Variants in CDKN2B-AS1 observed in about 807,000 individuals in gnomAD.
The protein encoded by CDKN2B-AS1 is CDKN2B and CDKN2A antisense cis and trans regulatory RNA 1.
At chr9:22,075,817 A>G (rs1038307111) in intron 4 of CDKN2B-AS1, among the ~76,000 whole-genome samples, 4 of 152,186 alleles carry the variant, frequency 2.6e-5, no homozygotes, top group African/African-American at 7.2e-5. Flanking sequence ...GCCCGTTTGT[A>G]TTTAATACAT....
chr9:22,059,732 G>A (rs773442589), intron 4 of CDKN2B-AS1, among the ~76,000 whole-genome samples: 18 of 152,166 alleles, frequency 1.2e-4, no homozygotes, highest in Non-Finnish European at 1.8e-4. Flanking sequence ...TGAGAGCCCC[G>A]CCCCAGCAGC....
At chr9:22,044,696 C>T (rs1823033910) in intron 1 of CDKN2B-AS1, among the ~76,000 whole-genome samples, 1 of 151,880 alleles carries the variant, frequency 6.6e-6, no homozygotes, top group Admixed American at 6.6e-5. Context: ...TCTCCTCCCT[C>T]CCCCTCCTTC....
At chr9:22,059,155 G>T (rs1260855867) in intron 4 of CDKN2B-AS1, 1 of 152,154 alleles carries the variant, frequency 6.6e-6, no homozygotes, top group East Asian at 1.9e-4. Flanking sequence ...CTTCCCAATA[G>T]TCACCCAAAG....
intron 4 of CDKN2B-AS1, among the ~76,000 whole-genome samples, chr9:22,094,860 C>G (rs1386525251): frequency 1.4e-5 from 2 of 144,162 alleles, no homozygotes; most frequent in African/African-American, 5.8e-5. Context: ...TGGTGAGGAG[C>G]TGCATTCCTT....
intron 2 of CDKN2B-AS1, among the ~76,000 whole-genome samples, chr9:22,048,457 G>A (rs1823201161): frequency 6.6e-6 from 1 of 152,128 alleles, no homozygotes; most frequent in Non-Finnish European, 1.5e-5. Context: ...GGCTGTTCAT[G>A]GGGTTAGTCT....
chr9:22,098,100 C>G (rs77049223), intron 4 of CDKN2B-AS1, among the ~76,000 whole-genome samples: 348 of 152,054 alleles, frequency 2.3e-3, no homozygotes, highest in African/African-American at 8.0e-3. Context: ...TGAAAAAACA[C>G]CAGCACTCAG....
At chr9:22,056,849 A>G (rs970126083) in intron 4 of CDKN2B-AS1, among the ~76,000 whole-genome samples, 5 of 152,140 alleles carry the variant, frequency 3.3e-5, no homozygotes, top group Admixed American at 3.3e-4. Flanking sequence ...TTCACTTTTG[A>G]TGTCTAAATC....
chr9:22,066,766 T>G (rs1175085887), intron 4 of CDKN2B-AS1, among the ~76,000 whole-genome samples: 1 of 151,896 alleles, frequency 6.6e-6, no homozygotes, highest in Non-Finnish European at 1.5e-5. Context: ...AAAAGCAGCG[T>G]TACTAAGGCA....
intron 1 of CDKN2B-AS1, among the ~76,000 whole-genome samples, chr9:22,011,676 C>T (rs1215279889): frequency 6.6e-6 from 1 of 152,202 alleles, no homozygotes; most frequent in East Asian, 1.9e-4. Context: ...GCTCACCTCA[C>T]AGCACACCCT....
At chr9:22,084,608 G>C (rs927006604) in intron 4 of CDKN2B-AS1, among the ~76,000 whole-genome samples, 2 of 152,086 alleles carry the variant, frequency 1.3e-5, no homozygotes, top group African/African-American at 4.8e-5. Flanking sequence ...GAGTTCTGTT[G>C]CATGATTTGA....
chr9:22,061,237 G>T (rs1823806858), intron 4 of CDKN2B-AS1, among the ~76,000 whole-genome samples: 1 of 152,082 alleles, frequency 6.6e-6, no homozygotes, highest in Non-Finnish European at 1.5e-5. Context: ...CCTTCCCCAG[G>T]CCTCCCATTT....
At chr9:22,102,633 T>A (rs971493572) in intron 4 of CDKN2B-AS1, among the ~76,000 whole-genome samples, 1 of 152,160 alleles carries the variant, frequency 6.6e-6, no homozygotes, top group African/African-American at 2.4e-5. Context: ...CTCTGCTCCT[T>A]TAGTCTCTCC....
intron 4 of CDKN2B-AS1, among the ~76,000 whole-genome samples, chr9:22,074,794 T>C (rs7855162): frequency 0.12 from 17,928 of 152,196 alleles, 2,783 homozygotes; most frequent in African/African-American, 0.36. Context: ...AAGCCTTTGT[T>C]CTGGAAAGCT....
chr9:22,094,606 G>A lies in CDKN2B-AS1; in HGVS notation n.439-32497G>A, dbSNP rs1043004590. Among the ~76,000 whole-genome samples the A allele has an allele frequency of 1.9e-4, 27 of 144,060 alleles. 1 individual carries two copies. The highest frequency in any genetic ancestry group is 2.1e-4 in the South Asian group (1 of 4,692). The allele number at this position is 144,060 out of a possible 152,430, so 94.5% of individuals were successfully genotyped here. ...ACCCTTTCTTCCAGTTGATCGAATCGGCTACTGAGGCTTGTGCATTCGTCA... is the reference window on the plus strand; with the variant it reads ...ACCCTTTCTTCCAGTTGATCGAATCAGCTACTGAGGCTTGTGCATTCGTCA... On this transcript the variant is annotated intron_variant and non_coding_transcript_variant, in intron 4 of 4. Coordinates refer to ENST00000650946, the Ensembl canonical transcript of CDKN2B-AS1.
chr9:22,102,649 G>A (rs1472614313), intron 4 of CDKN2B-AS1, among the ~76,000 whole-genome samples: 1 of 151,930 alleles, frequency 6.6e-6, no homozygotes, highest in Non-Finnish European at 1.5e-5. Flanking sequence ...TCTCCTTTAG[G>A]CTGTTTCTTA....
In CDKN2B-AS1 at chr9:22,039,212, C is replaced by T. The variant is rs1254319766; in HGVS notation, n.30-7539C>T. 6.6e-6 allele frequency among the ~76,000 whole-genome samples: 1 copy of T among 151,852 alleles called. No individual in the cohort carries two copies. The highest frequency in any genetic ancestry group is 1.9e-4 in the East Asian group (1 of 5,172). The stretch of plus-strand genomic sequence containing the variant: ...ATCCAAATCTTTAGACTTTGTTGCT[C>T]GGTGGAACTAGAATCATTAATATCT... On this transcript the variant is annotated intron_variant and non_coding_transcript_variant, in intron 1 of 4. Coordinates refer to ENST00000650946, the Ensembl canonical transcript of CDKN2B-AS1. The surrounding 1 kb of genome is among the most constrained non-coding windows in gnomAD (Gnocchi z 4.4).
intron 4 of CDKN2B-AS1, among the ~76,000 whole-genome samples, chr9:22,117,331 T>G (rs894450442): frequency 1.3e-5 from 2 of 152,170 alleles, no homozygotes; most frequent in Non-Finnish European, 2.9e-5. Flanking sequence ...TTAAATAGAT[T>G]CAAAGTAAAG....
intron 4 of CDKN2B-AS1, among the ~76,000 whole-genome samples, chr9:22,063,264 G>A (rs571685307): frequency 6.6e-6 from 1 of 152,176 alleles, no homozygotes; most frequent in Admixed American, 6.5e-5. Flanking sequence ...CTCATAGAGG[G>A]GATGGAGGAT....
intron 4 of CDKN2B-AS1, among the ~76,000 whole-genome samples, chr9:22,070,731 A>C (rs1157256185): frequency 6.6e-6 from 1 of 152,226 alleles, no homozygotes; most frequent in Non-Finnish European, 1.5e-5. Flanking sequence ...TAGTGTAACA[A>C]ATGCCTGCCT....
Sources: allele counts gnomAD v4.1 joint callset (sites outside exome capture counted in the v4.1 genomes callset), GRCh38; gene constraint gnomAD v4.1.1; non-coding constraint Gnocchi (gnomAD v3.1); transcripts MANE v1.5; gene names NCBI Gene and HGNC (gene_info 2026-07-23, HGNC 2026-07-21).